Variants in RBFOX1 observed in about 807,000 individuals in gnomAD.
RBFOX1 encodes the protein RNA binding protein fox-1 homolog 1.
In RBFOX1, 8 loss-of-function variants were observed where a neutral mutation model predicts 57.7. That is an observed-to-expected ratio of 0.14 (90% CI 0.08 to 0.25). RBFOX1 has a LOEUF of 0.25. RBFOX1 is among the 10% of genes least tolerant of loss of function. RBFOX1 has a pLI of 1.00. For missense variants in RBFOX1, 611 were observed against 548.5 expected, an observed-to-expected ratio of 1.11 and a Z score of -1.14; for synonymous variants, 326 against 222.4, an observed-to-expected ratio of 1.47 and a Z score of -4.15.
At chr16:6,749,854 TAGTC>T (rs1337085307) in intron 3 of RBFOX1, among the ~76,000 whole-genome samples, 1 of 152,184 alleles carries the variant, frequency 6.6e-6, no homozygotes, top group Non-Finnish European at 1.5e-5. Context: ...CTTGAAATAA[TAGTC>T]AGCAGGAAAC....
intron 3 of RBFOX1, among the ~76,000 whole-genome samples, chr16:6,966,666 A>G (rs564778436): frequency 6.6e-6 from 1 of 152,276 alleles, no homozygotes; most frequent in East Asian, 1.9e-4. Flanking sequence ...TAGGCATGAG[A>G]TAGTGCAAGC....
At chr16:5,821,976 AG>A (rs1367119625) in intron 3 of RBFOX1, among the ~76,000 whole-genome samples, 4 of 152,216 alleles carry the variant, frequency 2.6e-5, no homozygotes, top group Non-Finnish European at 5.9e-5. Flanking sequence ...TAATTTTTGG[AG>A]GGGACACAAA....
intron 3 of RBFOX1, among the ~76,000 whole-genome samples, chr16:6,755,336 C>G (rs11646449): frequency 0.24 from 36,333 of 152,042 alleles, 4,818 homozygotes; most frequent in Non-Finnish European, 0.29. Context: ...AAAAGTGTTC[C>G]TATTTCTCCA....
intron 14 of RBFOX1, among the ~76,000 whole-genome samples, chr16:7,680,406 G>GCTAACA (rs1286393774): frequency 6.6e-6 from 1 of 152,102 alleles, no homozygotes; most frequent in Non-Finnish European, 1.5e-5. Flanking sequence ...TGTCCTGCTT[G>GCTAACA]CTAACACTCT....
At chr16:6,416,846 A>G in intron 2 of RBFOX1, among the ~76,000 whole-genome samples, 1 of 152,156 alleles carries the variant, frequency 6.6e-6, no homozygotes, top group Non-Finnish European at 1.5e-5. Context: ...GCTGTCCTGA[A>G]TTTTTAAGTA....
chr16:7,640,698 G>C (rs2062632188), intron 11 of RBFOX1, among the ~76,000 whole-genome samples: 1 of 152,164 alleles, frequency 6.6e-6, no homozygotes, highest in Non-Finnish European at 1.5e-5. Flanking sequence ...TTGACAGAAA[G>C]TGTTTTTTAA....
At chr16:6,357,710 A>G (rs902133222) in intron 2 of RBFOX1, among the ~76,000 whole-genome samples, 4 of 152,000 alleles carry the variant, frequency 2.6e-5, no homozygotes, top group Non-Finnish European at 5.9e-5. Context: ...GCACTTTGGG[A>G]GTCCTAGGCG....
intron 1 of RBFOX1, among the ~76,000 whole-genome samples, chr16:6,028,757 C>G (rs1301483461): frequency 6.6e-6 from 1 of 152,174 alleles, no homozygotes; most frequent in Non-Finnish European, 1.5e-5. Flanking sequence ...GTCTGAATTA[C>G]AGCAGGTAGG....
intron 4 of RBFOX1, among the ~76,000 whole-genome samples, chr16:7,211,470 G>T (rs937186932): frequency 2.0e-5 from 3 of 151,710 alleles, no homozygotes; most frequent in Admixed American, 6.6e-5. Flanking sequence ...CTGTCATAGG[G>T]ATAGAAATTC....
At chr16:6,496,874 C>T (rs546527991) in intron 2 of RBFOX1, among the ~76,000 whole-genome samples, 2 of 152,182 alleles carry the variant, frequency 1.3e-5, no homozygotes, top group Non-Finnish European at 2.9e-5. Flanking sequence ...GCAGGAGAGT[C>T]GCTTGAACCC....
At position 6,115,543 on chromosome 16, in the gene RBFOX1, G is replaced by GT. The variant is rs745505857; in HGVS notation, c.-127+95559dup. Among the ~76,000 whole-genome samples, 538 of 152,100 alleles carry GT rather than the reference G, an allele frequency of 3.5e-3. 3 individuals are homozygous for GT. Among genetic ancestry groups the GT allele is most frequent in the Non-Finnish European group, 6.0e-3 (407 of 67,972 alleles). ...ATCTGTACTTGTCTGCATAACGTCT[G>GT]TTTTTTTTCCCCTCTGTCCTTGCAT... On this transcript the variant is annotated intron_variant, in intron 1 of 15. Coordinates refer to ENST00000550418, the MANE Select transcript of RBFOX1 (RefSeq NM_018723.4).
At chr16:6,919,769 C>CTTT (rs57240620) in intron 3 of RBFOX1, among the ~76,000 whole-genome samples, 25,359 of 123,278 alleles carry the variant, frequency 0.21, 2,718 homozygotes, top group East Asian at 0.26. Flanking sequence ...TAAGATCATT[C>CTTT]TTTTTTTTTT....
At chr16:6,044,543 C>T (rs1239387846) in intron 1 of RBFOX1, among the ~76,000 whole-genome samples, 1 of 150,772 alleles carries the variant, frequency 6.6e-6, no homozygotes, top group Non-Finnish European at 1.5e-5. Context: ...GAGCTAATTA[C>T]AGAGAGTGGT....
intron 4 of RBFOX1, among the ~76,000 whole-genome samples, chr16:7,400,173 C>G (rs931630779): frequency 1.9e-4 from 29 of 152,116 alleles, no homozygotes; most frequent in Non-Finnish European, 4.1e-4. Flanking sequence ...AACAATTATG[C>G]TAGAAGTTCT....
At chr16:7,289,905 C>G (rs1052095999) in intron 4 of RBFOX1, among the ~76,000 whole-genome samples, 1 of 152,192 alleles carries the variant, frequency 6.6e-6, no homozygotes, top group Non-Finnish European at 1.5e-5. Context: ...ACCAGGAGGT[C>G]TGCCTCCCTA....
chr16:6,707,570 A>G lies in RBFOX1; in HGVS notation c.-16+52920A>G, dbSNP rs190545988. On this transcript the variant is annotated intron_variant, in intron 3 of 15. Transcript: ENST00000550418. ...CATTTCTAAGATTTCCTTAGAATCA[A>G]CCCCAAGAAGGATTGACAGTCAATG... is the stretch of plus-strand genomic sequence containing the variant. 2.7e-3 allele frequency among the ~76,000 whole-genome samples: 400 copies of G among 150,590 alleles called. 3 individuals carry two copies. Among genetic ancestry groups the G allele is most frequent in the Non-Finnish European group, 2.9e-3 (195 of 67,858 alleles).
intron 1 of RBFOX1, among the ~76,000 whole-genome samples, chr16:6,197,605 G>C (rs1274816074): frequency 6.6e-6 from 1 of 151,220 alleles, no homozygotes; most frequent in Non-Finnish European, 1.5e-5. Flanking sequence ...AGAGGACCAG[G>C]ATCACCTGTT....
chr16:7,382,817 G>C (rs1023890545), intron 4 of RBFOX1, among the ~76,000 whole-genome samples: 39 of 152,198 alleles, frequency 2.6e-4, no homozygotes, highest in African/African-American at 9.2e-4. Flanking sequence ...TAATGCCTAA[G>C]TACCACTTCA....
intron 4 of RBFOX1, among the ~76,000 whole-genome samples, chr16:7,349,278 C>T (rs140236374): frequency 6.6e-6 from 1 of 152,268 alleles, no homozygotes; most frequent in East Asian, 1.9e-4. Context: ...ACCAGACTTG[C>T]CTTGTCAGCT....
Sources: gnomAD v4.1 joint callset for allele counts (sites outside exome capture counted in the v4.1 genomes callset) on GRCh38, gnomAD v4.1.1 for gene constraint, MANE v1.5 for transcripts, NCBI Gene and HGNC (gene_info 2026-07-23, HGNC 2026-07-21) for gene names.